MTOR: variants seen among roughly 807,000 people sequenced by gnomAD.
The protein encoded by MTOR is serine/threonine-protein kinase mTOR.
MTOR carries 70 observed loss-of-function variants against 319.8 expected under a neutral mutation model. The observed-to-expected ratio is 0.22, with a 90% CI of 0.18 to 0.27. The LOEUF is 0.27. Among genes scored for constraint, MTOR ranks in the 10% least tolerant of loss-of-function variants. The pLI is 1.00. For synonymous variants in MTOR, 1,183 were observed against 1,211.4 expected (o/e 0.98, Z 0.49); for missense variants, 1,890 against 3,274.4 (o/e 0.58, Z 10.32).
At chr1:11,190,411 T>C (rs1645481039) in intron 28 of MTOR, among the ~76,000 whole-genome samples, 1 of 152,234 alleles carries the variant, frequency 6.6e-6, no homozygotes, top group African/African-American at 2.4e-5. Flanking sequence ...TGAGCATTAA[T>C]GGAATTTTGT....
intron 7 of MTOR, 32 bp downstream of exon 7, chr1:11,247,787 G>C: frequency 6.2e-7 from 1 of 1,612,368 alleles, no homozygotes. Context: ...GTGGAGCTTA[G>C]GAAAAGAGGG....
chr1:11,215,658 C>A (rs892102912), intron 20 of MTOR, among the ~76,000 whole-genome samples: 1 of 152,132 alleles, frequency 6.6e-6, no homozygotes, highest in African/African-American at 2.4e-5. Context: ...GAACCTGAGC[C>A]TTTTCTCATG....
At chr1:11,194,733 T>C (rs1209803349) in intron 28 of MTOR, 29 of 1,606,568 alleles carry the variant, frequency 1.8e-5, no homozygotes, top group Non-Finnish European at 2.3e-5. Flanking sequence ...AAAGAGTGAA[T>C]TATAACTGTA....
chr1:11,148,103 A>G (rs1004371137), intron 31 of MTOR, among the ~76,000 whole-genome samples: 1 of 152,216 alleles, frequency 6.6e-6, no homozygotes, highest in Non-Finnish European at 1.5e-5. Context: ...AAGGAGATAG[A>G]CAACTGTCCT....
Position 11,115,318 on chromosome 1 carries a change from G to T in MTOR, c.7089+78C>A. The T allele has an allele frequency of 2.1e-6, 3 of 1,418,034 alleles. No individual in the cohort carries two copies. Among genetic ancestry groups the T allele is most frequent in the South Asian group, 2.3e-5 (2 of 86,808 alleles). 87.8% of individuals were successfully genotyped at this position (1,418,034 alleles called of 1,614,324 possible). On this transcript the variant is annotated intron_variant, in intron 51 of 57. Transcript: ENST00000361445. This position sits in a 1 kb window ranked among gnomAD's most constrained non-coding sequence, Gnocchi z 4.5. Reference sequence around the variant, plus strand: ...TAAGAGTAAGGCAGTTTGGGCTTAAGTCTGCCTACAGTGTCAGAGGAGGGG... The same window carrying T: ...TAAGAGTAAGGCAGTTTGGGCTTAATTCTGCCTACAGTGTCAGAGGAGGGG...
chr1:11,141,857 C>T (rs1381837170), intron 34 of MTOR, among the ~76,000 whole-genome samples: 1 of 150,462 alleles, frequency 6.6e-6, no homozygotes, highest in African/African-American at 2.4e-5. Context: ...AAAAATTAGC[C>T]AGGCGTGGTG....
intron 36 of MTOR, 114 bp downstream of exon 36, chr1:11,139,190 G>C (rs1192800837): frequency 1.0e-5 from 14 of 1,384,462 alleles, no homozygotes; most frequent in Admixed American, 2.3e-5. Context: ...CCCTGACATT[G>C]TGAGTAGGTG....
chr1:11,110,980 CCAG>C, intron 54 of MTOR: 1 of 348,520 alleles, frequency 2.9e-6, no homozygotes, highest in Non-Finnish European at 5.7e-6. Context: ...GAGAATGAAG[CCAG>C]TAAGTCTCAG....
Position 11,127,561 on chromosome 1 carries a change from A to T in MTOR, c.6216+63T>A, listed in dbSNP as rs1570941097. The stretch of plus-strand genomic sequence containing the variant: ...ATTCTATAAAAACTTTTCTCATTTC[A>T]TTTTTTTTTAGTGGCAGAATATTTC... On this transcript the variant is annotated intron_variant, in intron 44 of 57. Coordinates refer to ENST00000361445, the MANE Select transcript of MTOR (RefSeq NM_004958.4). The surrounding 1 kb of genome is among the most constrained non-coding windows in gnomAD (Gnocchi z 5.5). The T allele has an allele frequency of 1.4e-6, 2 of 1,383,750 alleles. 1 individual carries two copies. Among genetic ancestry groups the T allele is most frequent in the Middle Eastern group, 3.8e-4 (2 of 5,234 alleles). 85.7% of individuals were successfully genotyped at this position (1,383,750 alleles called of 1,614,324 possible). A position where few individuals can be genotyped will look rare whatever the true frequency, so the allele number is the denominator to read the frequency against.
intron 29 of MTOR, among the ~76,000 whole-genome samples, chr1:11,160,073 A>G (rs1049032632): frequency 1.5e-5 from 1 of 65,770 alleles, no homozygotes; most frequent in Non-Finnish European, 3.5e-5. Context: ...TATCAATTAT[A>G]GCATTTATTT....
At chr1:11,204,418 A>G (rs1646073598) in intron 26 of MTOR, 143 bp downstream of exon 26, 2 of 1,182,790 alleles carry the variant, frequency 1.7e-6, no homozygotes, top group Non-Finnish European at 2.3e-6. Flanking sequence ...AGCTTGTTGA[A>G]TTTGTCTTTC....
chr1:11,138,084 G>A (rs1466614053), intron 36 of MTOR, among the ~76,000 whole-genome samples: 1 of 152,152 alleles, frequency 6.6e-6, no homozygotes, highest in Non-Finnish European at 1.5e-5. Flanking sequence ...GTTGGGCTGG[G>A]GTCTTATGTT....
intron 5 of MTOR, 50 bp downstream of exon 5, chr1:11,255,942 C>G (rs763348981): frequency 5.1e-6 from 8 of 1,563,938 alleles, no homozygotes; most frequent in Admixed American, 1.7e-5. Flanking sequence ...CCAGGTGATT[C>G]TCTACGCAGA....
In MTOR at chr1:11,192,312, G is replaced by A. The variant is rs28991002; in HGVS notation, c.4253+6946C>T. ...TCTTCCCTCTACCAGAAGAACTACC[G>A]CATCTCTGGAGTGTATAAGCTTCCT... On this transcript the variant is annotated intron_variant, in intron 28 of 57. Transcript: ENST00000361445. The A allele has an allele frequency of 2.2e-3, 3,552 of 1,613,936 alleles. 4 individuals are homozygous for A. Among genetic ancestry groups the A allele is most frequent in the Non-Finnish European group, 2.5e-3 (2,954 of 1,179,956 alleles).
Position 11,109,965 on chromosome 1 carries a change from G to A in MTOR, c.7367-236C>T, listed in dbSNP as rs1641772943. Among the ~76,000 whole-genome samples, 1 of 145,242 alleles carries A rather than the reference G, an allele frequency of 6.9e-6. No individual in the cohort carries two copies. The highest frequency in any genetic ancestry group is 1.5e-5 in the Non-Finnish European group (1 of 66,970). On this transcript the variant is annotated intron_variant, in intron 54 of 57. Transcript: ENST00000361445. This position sits in a 1 kb window ranked among gnomAD's most constrained non-coding sequence, Gnocchi z 4.0. Reference sequence around the variant, plus strand: ...GTGGAAGGATCACTTGAGTAGCTGAGTTCAAGACCAGCCTGAGACTCCATT... The same window carrying A: ...GTGGAAGGATCACTTGAGTAGCTGAATTCAAGACCAGCCTGAGACTCCATT...
rs201248511 is a variant in MTOR, at chr1:11,157,314, T to C, written c.4330-23A>G. 8 of 1,609,184 alleles carry C rather than the reference T, an allele frequency of 5.0e-6. No homozygotes were observed. In the African/African-American group the frequency reaches 8.0e-5, roughly 16 times the overall value. On this transcript the variant is annotated intron_variant, in intron 29 of 57. Coordinates refer to ENST00000361445, the MANE Select transcript of MTOR (RefSeq NM_004958.4). ...CTCCTGTTACATGGGAAAGAAAGACTGCTGTGAGGTACACAGAAGAAGGGA... is the reference window on the plus strand; with the variant it reads ...CTCCTGTTACATGGGAAAGAAAGACCGCTGTGAGGTACACAGAAGAAGGGA...
intron 28 of MTOR, among the ~76,000 whole-genome samples, chr1:11,181,511 C>G (rs1645145509): frequency 6.6e-6 from 1 of 151,878 alleles, no homozygotes; most frequent in Non-Finnish European, 1.5e-5. Flanking sequence ...GGCGACAGAG[C>G]CAGACTCCAT....
chr1:11,149,241 G>T (rs1644051888), intron 31 of MTOR: 1 of 152,202 alleles, frequency 6.6e-6, no homozygotes, highest in African/African-American at 2.4e-5. Context: ...TTTGCCTTAT[G>T]TTGTCTCTCC....
At chr1:11,197,203 G>C (rs1211904484) in intron 28 of MTOR, among the ~76,000 whole-genome samples, 1 of 152,102 alleles carries the variant, frequency 6.6e-6, no homozygotes, top group Non-Finnish European at 1.5e-5. Flanking sequence ...AGTGGCTCAG[G>C]GACATAAAAC....
Sources: gnomAD v4.1 joint callset for allele counts (sites outside exome capture counted in the v4.1 genomes callset) on GRCh38, gnomAD v4.1.1 for gene constraint, Gnocchi (gnomAD v3.1) non-coding constraint, MANE v1.5 for transcripts, NCBI Gene and HGNC (gene_info 2026-07-23, HGNC 2026-07-21) for gene names.